KDM1B: variants seen among roughly 807,000 people sequenced by gnomAD.
KDM1B encodes lysine-specific histone demethylase 2.
Under a neutral mutation model 107.4 loss-of-function variants are expected in KDM1B, and 63 were observed. The observed-to-expected ratio is 0.59, with a 90% CI of 0.48 to 0.72. The LOEUF is 0.72. KDM1B is among the 30% of genes least tolerant of loss of function. KDM1B has a pLI of 0.00. For missense variants in KDM1B, 749 were observed against 1,020.8 expected, an observed-to-expected ratio of 0.73 and a Z score of 3.63; for synonymous variants, 363 against 363.9, an observed-to-expected ratio of 1.00 and a Z score of 0.03.
chr6:18,161,415 C>A lies in KDM1B; in HGVS notation c.176C>A (p.Thr59Lys). 6.2e-7 allele frequency: 1 copy of A among 1,613,942 alleles called. No individual in the cohort carries two copies. Among genetic ancestry groups the A allele is most frequent in the Non-Finnish European group, 8.5e-7 (1 of 1,179,948 alleles). The change falls in exon 4 of 22, where the codon ACG (threonine) becomes AAG (lysine). Residue 59 changes from threonine to lysine, a missense_variant. Thr to Lys is a moderately conservative substitution (Grantham distance 78). Coordinates refer to ENST00000650836, the MANE Select transcript of KDM1B (RefSeq NM_001364614.2). ...AGGAAATGTGAAAAGGCAGGCTGTA[C>A]GGCAACATGTCCTGTGTGCTTTGCA... ...KYRKCEKAGC[T>K]ATCPVCFASA...
chr6:18,176,005 A>G (rs975646391), intron 7 of KDM1B, among the ~76,000 whole-genome samples: 5 of 152,008 alleles, frequency 3.3e-5, no homozygotes, highest in Admixed American at 6.6e-5. Flanking sequence ...GTGATGAATG[A>G]TAGTAGTATT....
intron 7 of KDM1B, among the ~76,000 whole-genome samples, chr6:18,180,404 A>G (rs1561921989): frequency 2.0e-5 from 3 of 152,196 alleles, no homozygotes; most frequent in Non-Finnish European, 4.4e-5. Flanking sequence ...CAGCCAAGCA[A>G]CAATAAAAAA....
intron 21 of KDM1B, among the ~76,000 whole-genome samples, chr6:18,218,605 G>A (rs1789426722): frequency 6.6e-6 from 1 of 152,174 alleles, no homozygotes; most frequent in Admixed American, 6.5e-5. Flanking sequence ...AGCCAAGAAG[G>A]TGTCCACTGA....
rs374909588 is a variant in KDM1B, at chr6:18,197,555, C to G, written c.1147-32C>G. 3.8e-5 allele frequency: 60 copies of G among 1,562,122 alleles called. No homozygotes were observed. The highest frequency in any genetic ancestry group is 4.8e-5 in the Non-Finnish European group (54 of 1,133,938). ...AAACAGGACGTTGTTATCATCTGCT[C>G]TAATTGGACTTTTGTTTCTTTTCTT... On this transcript the variant is annotated intron_variant, in intron 11 of 21. Coordinates refer to ENST00000650836, the MANE Select transcript of KDM1B (RefSeq NM_001364614.2). The surrounding 1 kb of genome is among the most constrained non-coding windows in gnomAD (Gnocchi z 4.5).
In KDM1B at chr6:18,217,803, G is replaced by A; in HGVS notation, c.2303G>A (p.Ser768Asn). ...GACCCATGGATCCAGATGGCATACA[G>A]TTTTGTGAAGACAGGTGGAAGTGGG... ...STDPWIQMAYSFVKTGGSGEA... is the reference protein window; with the variant it reads ...STDPWIQMAYNFVKTGGSGEA... The change falls in exon 21 of 22, where the codon AGT becomes AAT. Residue 768 changes from serine to asparagine, a missense_variant. By Grantham distance (46) the Ser-to-Asn change is conservative (BLOSUM62 1). Coordinates refer to ENST00000650836, the MANE Select transcript of KDM1B (RefSeq NM_001364614.2). 6.2e-7 allele frequency: 1 copy of A among 1,614,066 alleles called. No homozygotes were observed. The highest frequency in any genetic ancestry group is 1.1e-5 in the South Asian group (1 of 91,082).
At position 18,207,434 on chromosome 6, in the gene KDM1B, G is replaced by T. The variant is rs1029807248; in HGVS notation, c.1696G>T (p.Ala566Ser). 6.8e-6 allele frequency: 11 copies of T among 1,614,132 alleles called. No homozygotes were observed. Among genetic ancestry groups the T allele is most frequent in the Admixed American group, 6.7e-5 (4 of 60,012 alleles). Reference protein sequence around the residue: ...ARSWDHNEFFAQFAGDHTLLT... With the variant: ...ARSWDHNEFFSQFAGDHTLLT... ...CTCGTGGGACCACAATGAATTCTTT[G>T]CCCAGTTTGCTGGTGACCACACTCT... Residue 566 changes from alanine (A) to serine (S), a missense_variant, in exon 16 of 22, where the codon GCC becomes TCC. Transcript: ENST00000650836.
chr6:18,209,570 C>T lies in KDM1B; in HGVS notation c.1866+1364C>T, dbSNP rs1009242254. ...GCTTACAAAGAAAGGCTGGAAAGCCCCACCCTGATGCGTTCTTGTTGAATT... is the reference window on the plus strand; with the variant it reads ...GCTTACAAAGAAAGGCTGGAAAGCCTCACCCTGATGCGTTCTTGTTGAATT... On this transcript the variant is annotated intron_variant, in intron 17 of 21. Coordinates refer to ENST00000650836, the MANE Select transcript of KDM1B (RefSeq NM_001364614.2). The surrounding 1 kb of genome is among the most constrained non-coding windows in gnomAD (Gnocchi z 4.3). Among the ~76,000 whole-genome samples, 3 of 152,146 alleles carry T rather than the reference C, an allele frequency of 2.0e-5. No homozygotes were observed. The highest frequency in any genetic ancestry group is 1.9e-4 in the East Asian group (1 of 5,196).
chr6:18,181,128 A>G (rs757473478), intron 7 of KDM1B, among the ~76,000 whole-genome samples: 3 of 152,210 alleles, frequency 2.0e-5, no homozygotes, highest in African/African-American at 4.8e-5. Context: ...TTCATTATTG[A>G]AAAATTCCAG....
intron 20 of KDM1B, 147 bp downstream of exon 20, chr6:18,215,276 C>A: frequency 2.2e-6 from 2 of 892,740 alleles, no homozygotes; most frequent in Non-Finnish European, 3.3e-6. Context: ...CCACTGCCCA[C>A]CTCAGCACTG....
At chr6:18,157,684 ATATT>A (rs550466656) in intron 2 of KDM1B, among the ~76,000 whole-genome samples, 213 of 151,600 alleles carry the variant, frequency 1.4e-3, no homozygotes, top group Non-Finnish European at 1.1e-3. Flanking sequence ...AGAGATTTGT[ATATT>A]TATGTATATA....
chr6:18,190,080 G>A (rs1423415766), intron 9 of KDM1B, among the ~76,000 whole-genome samples: 1 of 152,056 alleles, frequency 6.6e-6, no homozygotes, highest in Non-Finnish European at 1.5e-5. Flanking sequence ...AACCTGGGAG[G>A]CGGAGGTTGC....
chr6:18,187,762 T>G (rs1365028086), intron 8 of KDM1B, 30 bp from the exon 9 acceptor site: 2 of 1,416,982 alleles, frequency 1.4e-6, no homozygotes, highest in Admixed American at 3.9e-5. Context: ...TCTGTCCTTG[T>G]CTCTCTTCTT....
chr6:18,157,808 C>CTTTTTTT (rs67631382), intron 2 of KDM1B, among the ~76,000 whole-genome samples: 26 of 115,602 alleles, frequency 2.2e-4, no homozygotes, highest in East Asian at 5.7e-4. Context: ...GTAGATAGTC[C>CTTTTTTT]TTTTTTTTTT....
In KDM1B at chr6:18,212,864, C is replaced by A. The variant is rs1393777773; in HGVS notation, c.1983+260C>A. 2.6e-5 allele frequency among the ~76,000 whole-genome samples: 4 copies of A among 152,254 alleles called. No individual in the cohort carries two copies. In the East Asian group the frequency reaches 5.8e-4, roughly 22 times the overall value. On this transcript the variant is annotated intron_variant, in intron 18 of 21. Coordinates refer to ENST00000650836, the MANE Select transcript of KDM1B (RefSeq NM_001364614.2). The surrounding 1 kb of genome is among the most constrained non-coding windows in gnomAD (Gnocchi z 5.2). The stretch of plus-strand genomic sequence containing the variant: ...CAATTTGAATTTGGTATAAGCAATT[C>A]TTTTATCCCCTTTTTTCCCCCCTTC...
At position 18,208,603 on chromosome 6, in the gene KDM1B, G is replaced by GTGTGTGTATATATATATATATATA. The variant is rs1359166965; in HGVS notation, c.1866+398_1866+399insGTGTGTATATATATATATATATAT. On this transcript the variant is annotated intron_variant, in intron 17 of 21. Coordinates refer to ENST00000650836, the MANE Select transcript of KDM1B (RefSeq NM_001364614.2). ...TAGGGTTAAATAGAAGTATGTGTAT[G>GTGTGTGTATATATATATATATATA]TATATATATATATATATATATATAT... Among the ~76,000 whole-genome samples the GTGTGTGTATATATATATATATATA allele has an allele frequency of 1.3e-3, 45 of 34,912 alleles. 2 individuals are homozygous for GTGTGTGTATATATATATATATATA. Among genetic ancestry groups the GTGTGTGTATATATATATATATATA allele is most frequent in the South Asian group, 2.8e-3 (2 of 704 alleles). The allele number at this position is 34,912 out of a possible 152,430, so 22.9% of individuals were successfully genotyped here. A position where few individuals can be genotyped will look rare whatever the true frequency, so the allele number is the denominator to read the frequency against.
chr6:18,162,368 G>A lies in KDM1B; in HGVS notation c.216-467G>A, dbSNP rs969142150. On this transcript the variant is annotated intron_variant, in intron 4 of 21. Coordinates refer to ENST00000650836, the MANE Select transcript of KDM1B (RefSeq NM_001364614.2). This position sits in a 1 kb window ranked among gnomAD's most constrained non-coding sequence, Gnocchi z 4.1. ...AAATAAACACAAAGACGTGGTGATC[G>A]TGTTCATAGTGGCATGATTTTTCAT... is the stretch of plus-strand genomic sequence containing the variant. 1.3e-5 allele frequency among the ~76,000 whole-genome samples: 2 copies of A among 152,110 alleles called. No homozygotes were observed. Among genetic ancestry groups the A allele is most frequent in the Admixed American group, 6.6e-5 (1 of 15,260 alleles).
intron 21 of KDM1B, 32 bp from the exon 22 acceptor site, chr6:18,221,877 A>G: frequency 1.3e-6 from 2 of 1,501,680 alleles, no homozygotes; most frequent in Non-Finnish European, 1.8e-6. Context: ...AACTCTATGC[A>G]TGATCTCAAA....
rs375779265 is a variant in KDM1B, at chr6:18,208,234, G to A, written c.1866+28G>A. On this transcript the variant is annotated intron_variant, in intron 17 of 21. Transcript: ENST00000650836. ...AAGAGCTAGGGCAGTACAAGGGTGG[G>A]TAGAAACCTTTGCTGCCAGGGGCTT... The A allele has an allele frequency of 6.9e-5, 106 of 1,536,292 alleles. No individual in the cohort carries two copies. The African/African-American group carries it at 1.4e-3, about 20-fold the overall frequency.
chr6:18,191,361 C>T lies in KDM1B; in HGVS notation c.949C>T (p.Leu317=). The change falls in exon 10 of 22, where the codon CTG becomes TTG. Residue 317 remains leucine, a synonymous_variant. Coordinates refer to ENST00000650836, the MANE Select transcript of KDM1B (RefSeq NM_001364614.2). The surrounding 1 kb of genome is among the most constrained non-coding windows in gnomAD (Gnocchi z 5.1). Reference sequence around the variant, plus strand: ...GGCTTTGAGAAACCTCATCCTCGCACTGTGGTATACTAACTGCAAAGTAAG... The same window carrying T: ...GGCTTTGAGAAACCTCATCCTCGCATTGTGGTATACTAACTGCAAAGTAAG... ...YLALRNLILA[L]WYTNCKEALT... is the part of the protein sequence containing the mutation. 1 of 1,551,054 alleles carries T rather than the reference C, an allele frequency of 6.4e-7. No homozygotes were observed. The highest frequency in any genetic ancestry group is 8.7e-7 in the Non-Finnish European group (1 of 1,147,072).
Sources: gnomAD v4.1 joint callset for allele counts (sites outside exome capture counted in the v4.1 genomes callset) on GRCh38, gnomAD v4.1.1 for gene constraint, Gnocchi (gnomAD v3.1) non-coding constraint, MANE v1.5 for transcripts, NCBI Gene and HGNC (gene_info 2026-07-23, HGNC 2026-07-21) for gene names.